Variants in ATM observed in about 807,000 individuals in gnomAD.
ATM encodes ATM serine/threonine kinase, also known as serine-protein kinase ATM.
Under a neutral mutation model 387.0 loss-of-function variants are expected in ATM, and 308 were observed. The observed-to-expected ratio is 0.80, with a 90% CI of 0.73 to 0.87. The LOEUF is 0.87. ATM is among the 40% of genes least tolerant of loss of function. ATM has a pLI of 0.00. For missense variants in ATM, 3,312 were observed against 3,560.9 expected, an observed-to-expected ratio of 0.93 and a Z score of 1.78; for synonymous variants, 1,156 against 1,187.3, an observed-to-expected ratio of 0.97 and a Z score of 0.54.
intron 15 of ATM, among the ~76,000 whole-genome samples, chr11:108,258,043 T>G (rs1274572328): frequency 2.0e-5 from 3 of 152,030 alleles, no homozygotes; most frequent in Non-Finnish European, 2.9e-5. Flanking sequence ...ACTACAAGTG[T>G]ACACCACCAT....
chr11:108,343,487 A>C (rs2087872184), intron 57 of ATM, 116 bp downstream of exon 57: 9 of 1,259,708 alleles, frequency 7.1e-6, no homozygotes, highest in Non-Finnish European at 8.9e-6. Context: ...GGTAATTGTC[A>C]AAGATACTAA....
chr11:108,306,905 T>A (rs1227933383), intron 37 of ATM, among the ~76,000 whole-genome samples: 2 of 152,226 alleles, frequency 1.3e-5, no homozygotes, highest in Non-Finnish European at 1.5e-5. Flanking sequence ...TTCATCTGAT[T>A]ACCAAATCTT....
chr11:108,321,454 T>G (rs1411410959), intron 45 of ATM, 34 bp downstream of exon 45: 1 of 1,613,636 alleles, frequency 6.2e-7, no homozygotes, highest in Non-Finnish European at 8.5e-7. Flanking sequence ...TATCCTAAAG[T>G]GCAGCTTTTC....
intron 1 of ATM, 137 bp from the exon 2 acceptor site, chr11:108,227,458 C>G (rs2078795423): frequency 3.5e-6 from 2 of 566,366 alleles, no homozygotes; most frequent in Non-Finnish European, 6.2e-6. Flanking sequence ...CCAGAATGTG[C>G]CTCTAATTGT....
intron 26 of ATM, among the ~76,000 whole-genome samples, chr11:108,284,903 G>GT (rs572480339): frequency 3.4e-4 from 51 of 151,918 alleles, no homozygotes; most frequent in Non-Finnish European, 5.9e-4. Flanking sequence ...CCTGCTGTTT[G>GT]TTTTTTTGTG....
At chr11:108,284,585 T>C in intron 26 of ATM, 112 bp downstream of exon 26, 1 of 1,453,870 alleles carries the variant, frequency 6.9e-7, no homozygotes, top group South Asian at 1.2e-5. Context: ...GAAACTTAGC[T>C]TGTGGTAATC....
chr11:108,308,647 C>T (rs528499416), intron 38 of ATM: 5 of 220,642 alleles, frequency 2.3e-5, no homozygotes, highest in Admixed American at 1.5e-4. Flanking sequence ...AGGTAGGAAT[C>T]GATGTCTCAT....
intron 38 of ATM, 98 bp downstream of exon 38, chr11:108,308,082 GCA>G (rs1392463525): frequency 2.2e-5 from 25 of 1,117,332 alleles, no homozygotes; most frequent in Non-Finnish European, 3.1e-5. Context: ...TGAAGGTGTT[GCA>G]AAGTGTTATA....
At chr11:108,352,374 T>C (rs534458737) in intron 59 of ATM, among the ~76,000 whole-genome samples, 43 of 152,198 alleles carry the variant, frequency 2.8e-4, no homozygotes, top group Admixed American at 2.7e-3. Context: ...CAGAAAAATA[T>C]AGTAAATAAA....
chr11:108,317,302 C>T (rs2136158331), intron 42 of ATM, 71 bp from the exon 43 acceptor site: 1 of 1,483,230 alleles, frequency 6.7e-7, no homozygotes, highest in Non-Finnish European at 9.3e-7. Flanking sequence ...TGTATCTTTG[C>T]TGTTTTTTTC....
intron 45 of ATM, among the ~76,000 whole-genome samples, chr11:108,323,510 A>G (rs1021524845): frequency 6.6e-6 from 1 of 152,212 alleles, no homozygotes; most frequent in South Asian, 2.1e-4. Context: ...ACTGTAGTTA[A>G]CAGTAATTTA....
intron 40 of ATM, among the ~76,000 whole-genome samples, chr11:108,314,259 G>A (rs1324248223): frequency 6.6e-6 from 1 of 151,962 alleles, no homozygotes; most frequent in Admixed American, 6.6e-5. Flanking sequence ...GGGACTACAG[G>A]CATGCCCCAC....
In ATM at chr11:108,328,126, C is replaced by A. The variant is rs4988113; in HGVS notation, c.7089+368C>A. 7.1e-4 allele frequency among the ~76,000 whole-genome samples: 108 copies of A among 152,330 alleles called. 3 individuals carry two copies. In the South Asian group the frequency reaches 0.012, roughly 17 times the overall value. On this transcript the variant is annotated intron_variant, in intron 48 of 62. Transcript: ENST00000675843. ...CCCAGCCACCCACAAGTAAAGGCTT[C>A]AATATACTAGCCCCTTTGACTTTCC...
At position 108,316,689 on chromosome 11, in the gene ATM, C is replaced by A. The variant is rs7116649; in HGVS notation, c.6198+576C>A. On this transcript the variant is annotated intron_variant, in intron 42 of 62. Transcript: ENST00000675843. ...CTTTGGGAGGCCGAGGCGAGCAGAT[C>A]ACGAGGTCAGGAGGTCCAGACCATC... Among the ~76,000 whole-genome samples the A allele has an allele frequency of 3.1e-3, 453 of 146,978 alleles. 4 individuals are homozygous for A. Among genetic ancestry groups the A allele is most frequent in the African/African-American group, 0.01 (400 of 39,818 alleles).
At chr11:108,315,197 TACTC>T (rs752872750) in intron 40 of ATM, among the ~76,000 whole-genome samples, 40 of 152,376 alleles carry the variant, frequency 2.6e-4, no homozygotes, top group Non-Finnish European at 5.1e-4. Flanking sequence ...TTTAAGCAGA[TACTC>T]ACAACACAAT....
rs1555085821 is a variant in ATM at position 108,272,564 on chromosome 11, C to T, written c.3110C>T (p.Ser1037Phe). 6.2e-7 allele frequency: 1 copy of T among 1,613,682 alleles called. No homozygotes were observed. The highest frequency in any genetic ancestry group is 1.3e-5 in the African/African-American group (1 of 75,028). ...HLTKERKYIF[S>F]VRMALVNCLK... ...ACAAAGGAGAGGAAATATATATTCT[C>T]TGTAAGAATGGCCCTAGTAAATTGC... The change falls in exon 21 of 63, where the codon TCT becomes TTT. Residue 1037 changes from serine to phenylalanine, a missense_variant. Ser to Phe is a radical substitution (Grantham distance 155). Transcript: ENST00000675843.
Position 108,327,244 on chromosome 11 carries a change from T to C in ATM, c.6976-401T>C, listed in dbSNP as rs931513014. 3 of 239,984 alleles carry C rather than the reference T, an allele frequency of 1.3e-5. No individual in the cohort carries two copies. In the East Asian group the frequency reaches 3.1e-4, roughly 25 times the overall value. 14.9% of individuals were successfully genotyped at this position (239,984 alleles called of 1,614,324 possible). A position where few individuals can be genotyped will look rare whatever the true frequency, so the allele number is the denominator to read the frequency against. On this transcript the variant is annotated intron_variant, in intron 47 of 62. Coordinates refer to ENST00000675843, the MANE Select transcript of ATM (RefSeq NM_000051.4). ...TATGTGTAAATATTGCTTAATAGTA[T>C]TGGCCCTGAAGTATGTGCTGTCTGG...
chr11:108,225,931 T>C (rs2078715204), intron 1 of ATM: 1 of 152,158 alleles, frequency 6.6e-6, no homozygotes, highest in Non-Finnish European at 1.5e-5. Flanking sequence ...ATACTTAATC[T>C]TGAAAGATTA....
intron 5 of ATM, among the ~76,000 whole-genome samples, chr11:108,240,092 T>C (rs2079481389): frequency 6.6e-6 from 1 of 152,228 alleles, no homozygotes; most frequent in South Asian, 2.1e-4. Flanking sequence ...AGTAAACCTA[T>C]GCTGGGACAC....
Sources: gnomAD v4.1 joint callset for allele counts (sites outside exome capture counted in the v4.1 genomes callset) on GRCh38, gnomAD v4.1.1 for gene constraint, MANE v1.5 for transcripts, NCBI Gene and HGNC (gene_info 2026-07-23, HGNC 2026-07-21) for gene names.